Variants in WDFY4 observed in about 807,000 individuals in gnomAD.
The protein encoded by WDFY4 is WDFY family member 4, also known as WD repeat- and FYVE domain-containing protein 4.
In WDFY4, 169 loss-of-function variants were observed where a neutral mutation model predicts 351.9. The observed-to-expected ratio is 0.48, with a 90% CI of 0.42 to 0.55. The LOEUF is 0.55. Among genes scored for constraint, WDFY4 ranks in the 20% least tolerant of loss-of-function variants. The probability of loss-of-function intolerance (pLI) is 0.00; values close to 1 mark genes in which losing one functional copy is unlikely to be tolerated. For synonymous variants in WDFY4, 1,622 were observed against 1,574.6 expected, an observed-to-expected ratio of 1.03 and a Z score of -0.71; for missense variants, 3,803 against 3,935.6, an observed-to-expected ratio of 0.97 and a Z score of 0.90.
chr10:48,877,585 C>G (rs1328932902), intron 43 of WDFY4, among the ~76,000 whole-genome samples: 1 of 152,242 alleles, frequency 6.6e-6, no homozygotes, highest in African/African-American at 2.4e-5. Context: ...AGGTCCCACA[C>G]CTTGAGGGGT....
At chr10:48,960,747 AT>A (rs1281005535) in intron 53 of WDFY4, among the ~76,000 whole-genome samples, 1 of 152,248 alleles carries the variant, frequency 6.6e-6, no homozygotes, top group Non-Finnish European at 1.5e-5. Flanking sequence ...AAAGGAGCAG[AT>A]TTACTGAATC....
chr10:48,789,996 C>T lies in WDFY4; in HGVS notation c.4066+11C>T. On this transcript the variant is annotated intron_variant, in intron 22 of 61. Coordinates refer to ENST00000325239, the MANE Select transcript of WDFY4 (RefSeq NM_001394531.1). ...CTGTGGGTCAATTAGGTATGTTCAA[C>T]TGGGAAGCTTTGCCGCTATTTGGGA... The T allele has an allele frequency of 6.4e-7, 1 of 1,551,554 alleles. No homozygotes were observed. Among genetic ancestry groups the T allele is most frequent in the Non-Finnish European group, 8.7e-7 (1 of 1,146,494 alleles).
chr10:48,814,117 G>C (rs368492074), intron 31 of WDFY4, 35 bp downstream of exon 31: 5 of 1,489,876 alleles, frequency 3.4e-6, no homozygotes, highest in Non-Finnish European at 3.6e-6. Context: ...CCCCGAGGAG[G>C]TTCTGATGGG....
In WDFY4 at chr10:48,724,729, C is replaced by G. The variant is rs1300309019; in HGVS notation, c.592-1152C>G. Among the ~76,000 whole-genome samples, 6 of 152,054 alleles carry G rather than the reference C, an allele frequency of 3.9e-5. No homozygotes were observed. In the South Asian group the frequency reaches 1.0e-3, roughly 26 times the overall value. On this transcript the variant is annotated intron_variant, in intron 5 of 61. Coordinates refer to ENST00000325239, the MANE Select transcript of WDFY4 (RefSeq NM_001394531.1). ...CTCTATGGCAGACAGATGGTTGCTGCAGCAAGCATAGGGCTTCACTTTGAG... is the reference window on the plus strand; with the variant it reads ...CTCTATGGCAGACAGATGGTTGCTGGAGCAAGCATAGGGCTTCACTTTGAG...
At chr10:48,888,113 T>C (rs896495974) in intron 43 of WDFY4, among the ~76,000 whole-genome samples, 3 of 152,172 alleles carry the variant, frequency 2.0e-5, no homozygotes, top group Admixed American at 2.0e-4. Context: ...TCATACAATC[T>C]CTTTGGAAGA....
chr10:48,846,000 C>T (rs956184947), intron 39 of WDFY4, among the ~76,000 whole-genome samples: 3 of 152,202 alleles, frequency 2.0e-5, no homozygotes, highest in Non-Finnish European at 4.4e-5. Context: ...AAGCAGATGG[C>T]CTCTGCCTCA....
At chr10:48,830,240 G>A (rs11101530) in intron 37 of WDFY4, among the ~76,000 whole-genome samples, 66,842 of 151,968 alleles carry the variant, frequency 0.44, 15,615 homozygotes, top group East Asian at 0.83. Flanking sequence ...TTCCTGAGCC[G>A]TGAGCCACAG....
At chr10:48,751,775 T>C (rs2065190593) in intron 12 of WDFY4, among the ~76,000 whole-genome samples, 1 of 152,164 alleles carries the variant, frequency 6.6e-6, no homozygotes, top group East Asian at 1.9e-4. Context: ...GCAGTCTGTC[T>C]GACTTCCATA....
intron 2 of WDFY4, among the ~76,000 whole-genome samples, chr10:48,712,504 C>A (rs948361646): frequency 1.8e-4 from 27 of 152,286 alleles, no homozygotes; most frequent in South Asian, 2.1e-4. Flanking sequence ...TTCTTAATAT[C>A]TGTATTATTT....
chr10:48,871,133 C>T (rs1373167846), intron 40 of WDFY4, among the ~76,000 whole-genome samples: 1 of 152,094 alleles, frequency 6.6e-6, no homozygotes, highest in Non-Finnish European at 1.5e-5. Context: ...GACGGGGTTT[C>T]ACCGTGTTAG....
chr10:48,927,442 T>C (rs751900785), intron 47 of WDFY4, among the ~76,000 whole-genome samples: 2 of 152,198 alleles, frequency 1.3e-5, no homozygotes, highest in Non-Finnish European at 2.9e-5. Flanking sequence ...AGCACTTCTG[T>C]GGGATGCGTT....
chr10:48,728,513 G>A (rs892915845), intron 7 of WDFY4, among the ~76,000 whole-genome samples: 1 of 152,206 alleles, frequency 6.6e-6, no homozygotes, highest in Non-Finnish European at 1.5e-5. Context: ...CCTCTGAGGG[G>A]TATATCTACT....
intron 51 of WDFY4, among the ~76,000 whole-genome samples, chr10:48,954,090 C>A (rs1589984983): frequency 6.6e-6 from 1 of 152,218 alleles, no homozygotes; most frequent in East Asian, 1.9e-4. Flanking sequence ...TTTGCTTCAT[C>A]TCTTAGCAAT....
At chr10:48,978,049 G>C (rs1190512997) in intron 59 of WDFY4, among the ~76,000 whole-genome samples, 1 of 152,184 alleles carries the variant, frequency 6.6e-6, no homozygotes, top group Non-Finnish European at 1.5e-5. Context: ...AAGGGCTGTG[G>C]GGGTCATGAG....
chr10:48,889,513 A>G (rs1589818520), intron 43 of WDFY4, among the ~76,000 whole-genome samples: 1 of 151,384 alleles, frequency 6.6e-6, no homozygotes, highest in African/African-American at 2.4e-5. Flanking sequence ...TTTTTCTCCC[A>G]AACATATCTA....
In WDFY4 at chr10:48,760,373, T is replaced by G. The variant is rs1290678643; in HGVS notation, c.2486T>G (p.Met829Arg). Residue 829 changes from methionine (M) to arginine (R), a missense_variant, in exon 13 of 62, where the codon ATG becomes AGG. This residue lies in a region of WDFY4 where 3,054 missense variants were observed against 3,148.6 expected (regional missense o/e 0.97). Transcript: ENST00000325239. ...ERMDEGDAAI[M>R]HPGVVCIMVR... ...ATGGATGAGGGAGATGCTGCAATCA[T>G]GCATCCCGGGGTCGTGTGCATCATG... The G allele has an allele frequency of 1.9e-6, 3 of 1,551,550 alleles. No homozygotes were observed. The highest frequency in any genetic ancestry group is 2.6e-6 in the Non-Finnish European group (3 of 1,146,994).
At chr10:48,754,645 T>C (rs1455586685) in intron 12 of WDFY4, among the ~76,000 whole-genome samples, 1 of 152,052 alleles carries the variant, frequency 6.6e-6, no homozygotes, top group Non-Finnish European at 1.5e-5. Context: ...ATTGTGTTTA[T>C]CTTTATGTCT....
intron 39 of WDFY4, among the ~76,000 whole-genome samples, chr10:48,841,990 C>T (rs546444030): frequency 1.3e-5 from 2 of 152,034 alleles, no homozygotes; most frequent in South Asian, 4.2e-4. Context: ...ATGAAGATGC[C>T]GGACCACTTG....
chr10:48,800,442 G>A (rs1198242128), intron 24 of WDFY4, among the ~76,000 whole-genome samples: 3 of 152,058 alleles, frequency 2.0e-5, no homozygotes, highest in Non-Finnish European at 4.4e-5. Flanking sequence ...ACAGGAAGCT[G>A]TGAGGGAGGG....
Sources: allele counts gnomAD v4.1 joint callset (sites outside exome capture counted in the v4.1 genomes callset), GRCh38; gene constraint gnomAD v4.1.1; regional missense constraint gnomAD v4.1.1; transcripts MANE v1.5; gene names NCBI Gene and HGNC (gene_info 2026-07-23, HGNC 2026-07-21).